The following GOT1 variants were observed in gnomAD, a reference collection of about 807,000 sequenced individuals.
The protein encoded by GOT1 is glutamic-oxaloacetic transaminase 1.
GOT1 carries 25 observed loss-of-function variants against 48.2 expected under a neutral mutation model. That is an observed-to-expected ratio of 0.52 (90% CI 0.38 to 0.72). GOT1 has a LOEUF of 0.72. Among genes scored for constraint, GOT1 ranks in the 30% least tolerant of loss-of-function variants. The pLI is 0.00. For synonymous variants in GOT1, 188 were observed against 193.8 expected, an observed-to-expected ratio of 0.97 and a Z score of 0.25; for missense variants, 380 against 520.1, an observed-to-expected ratio of 0.73 and a Z score of 2.62.
At chr10:99,399,088 G>A (rs1335939550) in intron 8 of GOT1, among the ~76,000 whole-genome samples, 2 of 152,178 alleles carry the variant, frequency 1.3e-5, no homozygotes, top group Non-Finnish European at 2.9e-5. Context: ...GCTGTTGAGA[G>A]GGCCTACATA....
chr10:99,425,464 G>A (rs552575535), intron 1 of GOT1, among the ~76,000 whole-genome samples: 9 of 152,328 alleles, frequency 5.9e-5, no homozygotes, highest in African/African-American at 2.2e-4. Flanking sequence ...GAAGGACAGA[G>A]ACAGTAGTTA....
intron 1 of GOT1, among the ~76,000 whole-genome samples, chr10:99,430,000 C>T (rs575284289): frequency 3.3e-5 from 5 of 152,168 alleles, no homozygotes; most frequent in African/African-American, 1.2e-4. Context: ...CTGATTGATA[C>T]TCGGTGGTCA....
intron 5 of GOT1, 87 bp from the exon 6 acceptor site, chr10:99,403,961 A>G (rs1324759941): frequency 9.4e-6 from 12 of 1,283,190 alleles, no homozygotes; most frequent in Non-Finnish European, 1.3e-5. Context: ...TGATGCCTGG[A>G]GGGAATTTCA....
At chr10:99,398,389 G>C (rs1436785725) in intron 8 of GOT1, among the ~76,000 whole-genome samples, 2 of 152,162 alleles carry the variant, frequency 1.3e-5, no homozygotes, top group African/African-American at 4.8e-5. Context: ...AGTGAATTTG[G>C]CTGGGCACAG....
rs1180209190 is a variant in GOT1, at chr10:99,397,689, G to A, written c.1103-3C>T. Reference sequence around the variant, plus strand: ...GACCAGATACTCAACCTGCTTGGCTGTTGAAAACCAAAAGAAGACATAATC... The same window carrying A: ...GACCAGATACTCAACCTGCTTGGCTATTGAAAACCAAAAGAAGACATAATC... On this transcript the variant is annotated splice_region_variant and splice_polypyrimidine_tract_variant and intron_variant, in intron 8 of 8. Coordinates refer to ENST00000370508, the MANE Select transcript of GOT1 (RefSeq NM_002079.3). This position sits in a 1 kb window ranked among gnomAD's most constrained non-coding sequence, Gnocchi z 5.4. 6.2e-7 allele frequency: 1 copy of A among 1,613,828 alleles called. No individual in the cohort carries two copies. The highest frequency in any genetic ancestry group is 1.3e-5 in the African/African-American group (1 of 74,922).
At chr10:99,399,456 A>G (rs979696036) in intron 8 of GOT1, among the ~76,000 whole-genome samples, 3 of 152,186 alleles carry the variant, frequency 2.0e-5, no homozygotes, top group Non-Finnish European at 4.4e-5. Flanking sequence ...CTATTTTGTA[A>G]GACACCTGTG....
chr10:99,424,043 G>T lies in GOT1; in HGVS notation c.119-3238C>A, dbSNP rs371089205. Among the ~76,000 whole-genome samples the T allele has an allele frequency of 4.6e-5, 7 of 152,108 alleles. No individual in the cohort carries two copies. In the East Asian group the frequency reaches 1.2e-3, roughly 25 times the overall value. ...GTTCAAAAAGCCTCCTTCGCCAGCTGGGATTTGGTCTGGCTTCTCTAAAGA... is the reference window on the plus strand; with the variant it reads ...GTTCAAAAAGCCTCCTTCGCCAGCTTGGATTTGGTCTGGCTTCTCTAAAGA... On this transcript the variant is annotated intron_variant, in intron 1 of 8. Transcript: ENST00000370508.
At chr10:99,399,877 C>T (rs927017759) in intron 8 of GOT1, among the ~76,000 whole-genome samples, 1 of 152,180 alleles carries the variant, frequency 6.6e-6, no homozygotes, top group African/African-American at 2.4e-5. Context: ...TTTCCCTTGA[C>T]CCCTCCAAAC....
chr10:99,397,629 C>T lies in GOT1; in HGVS notation c.1160G>A (p.Arg387Gln), dbSNP rs2032618272. Reference protein sequence around the residue: ...EKHIYLLPSGRINVSGLTTKN... With the variant: ...EKHIYLLPSGQINVSGLTTKN... ...GGTGGTTAAGCCACTCACGTTGATTCGACCACTTGGCAGCAGGTAGATGTG... is the reference window on the plus strand; with the variant it reads ...GGTGGTTAAGCCACTCACGTTGATTTGACCACTTGGCAGCAGGTAGATGTG... Residue 387 changes from arginine (R) to glutamine (Q), a missense_variant, in exon 9 of 9, where the codon CGA becomes CAA. Physicochemically the swap from Arg to Gln is conservative, Grantham distance 43. Transcript: ENST00000370508. The surrounding 1 kb of genome is among the most constrained non-coding windows in gnomAD (Gnocchi z 5.4). The T allele has an allele frequency of 4.3e-6, 7 of 1,613,928 alleles. No homozygotes were observed. Among genetic ancestry groups the T allele is most frequent in the East Asian group, 2.2e-5 (1 of 44,872 alleles).
chr10:99,422,403 C>CCAGTA (rs1326087653), intron 1 of GOT1, among the ~76,000 whole-genome samples: 1 of 152,058 alleles, frequency 6.6e-6, no homozygotes, highest in Non-Finnish European at 1.5e-5. Flanking sequence ...ACATATAATC[C>CCAGTA]CAGTACTCAG....
At chr10:99,406,890 G>A in intron 2 of GOT1, 41 bp from the exon 3 acceptor site, 2 of 1,601,980 alleles carry the variant, frequency 1.2e-6, no homozygotes, top group South Asian at 1.1e-5. Flanking sequence ...ATAATGGTGA[G>A]GTCAGATAAT....
intron 1 of GOT1, among the ~76,000 whole-genome samples, chr10:99,427,306 T>C (rs546320117): frequency 1.3e-5 from 2 of 152,326 alleles, no homozygotes; most frequent in Admixed American, 1.3e-4. Flanking sequence ...TCTCACTCTG[T>C]TGCCCAGGCT....
intron 2 of GOT1, among the ~76,000 whole-genome samples, chr10:99,412,813 G>A (rs995103567): frequency 3.9e-5 from 6 of 152,154 alleles, no homozygotes; most frequent in African/African-American, 1.2e-4. Context: ...TGCAGCCTCC[G>A]CTGCTGATAC....
chr10:99,419,124 A>T (rs2032935672), intron 2 of GOT1, among the ~76,000 whole-genome samples: 2 of 152,192 alleles, frequency 1.3e-5, no homozygotes, highest in African/African-American at 4.8e-5. Context: ...TCTGGGTAAC[A>T]TGATATATAA....
chr10:99,397,785 C>A lies in GOT1; in HGVS notation c.1103-99G>T. ...GACAATTACAGCTTTACTTCTTTCC[C>A]CTTAACAGAGAGAAGCAAAACAAAA... is the stretch of plus-strand genomic sequence containing the variant. On this transcript the variant is annotated intron_variant, in intron 8 of 8. Coordinates refer to ENST00000370508, the MANE Select transcript of GOT1 (RefSeq NM_002079.3). The surrounding 1 kb of genome is among the most constrained non-coding windows in gnomAD (Gnocchi z 5.4). The A allele has an allele frequency of 8.5e-7, 1 of 1,170,240 alleles. No individual in the cohort carries two copies. Among genetic ancestry groups the A allele is most frequent in the South Asian group, 1.4e-5 (1 of 71,880 alleles). 72.5% of individuals were successfully genotyped at this position (1,170,240 alleles called of 1,614,324 possible).
intron 2 of GOT1, among the ~76,000 whole-genome samples, chr10:99,419,244 T>C (rs941622664): frequency 3.3e-5 from 5 of 152,222 alleles, no homozygotes; most frequent in African/African-American, 1.2e-4. Context: ...CCCAGGGGAA[T>C]GATAATGGCC....
intron 2 of GOT1, among the ~76,000 whole-genome samples, chr10:99,409,810 C>T (rs1391353449): frequency 6.6e-6 from 1 of 152,162 alleles, no homozygotes; most frequent in Non-Finnish European, 1.5e-5. Context: ...ATTCATTTAA[C>T]CCATAAGTCA....
intron 2 of GOT1, among the ~76,000 whole-genome samples, chr10:99,417,618 A>C (rs2032912638): frequency 6.6e-6 from 1 of 152,244 alleles, no homozygotes; most frequent in African/African-American, 2.4e-5. Context: ...TGCTATAAAG[A>C]CACATGCATA....
intron 2 of GOT1, 95 bp downstream of exon 2, chr10:99,420,529 T>C: frequency 3.2e-6 from 3 of 927,854 alleles, no homozygotes; most frequent in East Asian, 2.5e-5. Flanking sequence ...GGCAGTTCAA[T>C]AGACATAACG....
Sources: gnomAD v4.1 joint callset for allele counts (sites outside exome capture counted in the v4.1 genomes callset) on GRCh38, gnomAD v4.1.1 for gene constraint, Gnocchi (gnomAD v3.1) non-coding constraint, MANE v1.5 for transcripts, NCBI Gene and HGNC (gene_info 2026-07-23, HGNC 2026-07-21) for gene names.